The following CDH4 variants were observed in gnomAD, a reference collection of about 807,000 sequenced individuals.
The protein encoded by CDH4 is cadherin-4.
In CDH4, 33 loss-of-function variants were observed where a neutral mutation model predicts 86.0. The ratio of observed to expected loss-of-function variants is 0.38; its 90% CI spans 0.29 to 0.51. The LOEUF (loss-of-function observed/expected upper bound fraction) is 0.51. Among genes scored for constraint, CDH4 ranks in the 20% least tolerant of loss-of-function variants. The pLI is 0.86. For missense variants in CDH4, 1,114 were observed against 1,307.4 expected, an observed-to-expected ratio of 0.85 and a Z score of 2.28; for synonymous variants, 555 against 549.4, an observed-to-expected ratio of 1.01 and a Z score of -0.14.
At chr20:61,548,344 G>A (rs2086103849) in intron 2 of CDH4, among the ~76,000 whole-genome samples, 1 of 152,100 alleles carries the variant, frequency 6.6e-6, no homozygotes, top group South Asian at 2.1e-4. Flanking sequence ...GAGGGAAAAG[G>A]GCCCAACTTG....
intron 8 of CDH4, among the ~76,000 whole-genome samples, chr20:61,905,681 CCT>C (rs1225159699): frequency 1.3e-5 from 2 of 152,180 alleles, no homozygotes; most frequent in East Asian, 1.9e-4. Flanking sequence ...AGGATCAGGC[CCT>C]CTCTGCCTCT....
chr20:61,499,900 G>C (rs1450192939), intron 2 of CDH4, among the ~76,000 whole-genome samples: 2 of 152,206 alleles, frequency 1.3e-5, no homozygotes, highest in African/African-American at 4.8e-5. Context: ...CATCGATTCT[G>C]TCTGTGGCAG....
intron 4 of CDH4, among the ~76,000 whole-genome samples, chr20:61,784,970 C>A (rs1439480429): frequency 1.3e-5 from 2 of 152,168 alleles, no homozygotes; most frequent in Non-Finnish European, 2.9e-5. Flanking sequence ...AGCAGAGGGG[C>A]CTTCTACACC....
intron 7 of CDH4, among the ~76,000 whole-genome samples, chr20:61,885,696 C>T (rs1012497294): frequency 1.3e-5 from 2 of 152,184 alleles, no homozygotes; most frequent in African/African-American, 2.4e-5. Context: ...CTTGTGAGGA[C>T]CCGCCAGCCT....
intron 8 of CDH4, among the ~76,000 whole-genome samples, chr20:61,905,368 G>A (rs1358408418): frequency 6.6e-6 from 1 of 152,222 alleles, no homozygotes; most frequent in Non-Finnish European, 1.5e-5. Context: ...TGGACGCAGA[G>A]AGCGCCGCGC....
intron 2 of CDH4, among the ~76,000 whole-genome samples, chr20:61,636,618 C>T (rs149897632): frequency 1.3e-3 from 191 of 152,362 alleles, no homozygotes; most frequent in African/African-American, 4.3e-3. Flanking sequence ...CTCTCTTCCA[C>T]GGGGCTTTCA....
At chr20:61,593,778 A>G (rs1051458225) in intron 2 of CDH4, among the ~76,000 whole-genome samples, 2 of 151,756 alleles carry the variant, frequency 1.3e-5, no homozygotes, top group Non-Finnish European at 2.9e-5. Flanking sequence ...ATTCTTGGAC[A>G]TAGTAGAACC....
At position 61,929,804 on chromosome 20, in the gene CDH4, C is replaced by T; in HGVS notation, c.2201C>T (p.Ala734Val). Residue 734 changes from alanine to valine, a missense_variant, in exon 13 of 16, where the codon GCC becomes GTC. Coordinates refer to ENST00000614565, the MANE Select transcript of CDH4 (RefSeq NM_001794.5). ...GCAGCGGCTGGTCTGGGCACCGGTG[C>T]CATCGTGGCCATCCTCATCTGCATC... Reference protein sequence around the residue: ...AVAAAGLGTGAIVAILICILI... With the variant: ...AVAAAGLGTGVIVAILICILI... 2 of 1,613,988 alleles carry T rather than the reference C, an allele frequency of 1.2e-6. No homozygotes were observed. Among genetic ancestry groups the T allele is most frequent in the Non-Finnish European group, 1.7e-6 (2 of 1,180,010 alleles).
chr20:61,340,121 T>G (rs1363126078), intron 2 of CDH4, among the ~76,000 whole-genome samples: 1 of 152,110 alleles, frequency 6.6e-6, no homozygotes, highest in Non-Finnish European at 1.5e-5. Flanking sequence ...GACTGGAAAA[T>G]AATATTCTGA....
intron 2 of CDH4, among the ~76,000 whole-genome samples, chr20:61,594,763 G>A (rs1475439911): frequency 1.3e-5 from 2 of 152,122 alleles, no homozygotes; most frequent in Non-Finnish European, 2.9e-5. Flanking sequence ...GGGTCCCCTC[G>A]GCCCCCACAC....
At position 61,920,986 on chromosome 20, in the gene CDH4, TGTGGTGTCGTGATTGCATGGAAGC is replaced by T. The variant is rs1388564881; in HGVS notation, c.1375-2462_1375-2439del. 8.3e-4 allele frequency among the ~76,000 whole-genome samples: 103 copies of T among 123,434 alleles called. No individual in the cohort carries two copies. In the Middle Eastern group the frequency reaches 0.021, roughly 25 times the overall value. The allele number at this position is 123,434 out of a possible 152,430, so 81.0% of individuals were successfully genotyped here. A position where few individuals can be genotyped will look rare whatever the true frequency, so the allele number is the denominator to read the frequency against. On this transcript the variant is annotated intron_variant, in intron 9 of 15. Transcript: ENST00000614565. ...GCATGTCATGGTGATTGCGTGGAAG[TGTGGTGTCGTGATTGCATGGAAGC>T]GTTGTGTCACAGTAATTGCATGGAA...
intron 2 of CDH4, among the ~76,000 whole-genome samples, chr20:61,579,448 G>A (rs2086409185): frequency 6.6e-6 from 1 of 151,944 alleles, no homozygotes; most frequent in South Asian, 2.1e-4. Flanking sequence ...CACCATGCCT[G>A]GCTGAGTTTT....
chr20:61,313,882 G>A (rs2084461936), intron 2 of CDH4, among the ~76,000 whole-genome samples: 1 of 152,128 alleles, frequency 6.6e-6, no homozygotes, highest in African/African-American at 2.4e-5. Context: ...GACTACAGGT[G>A]CACACCACCA....
chr20:61,637,847 C>T (rs896044020), intron 2 of CDH4, among the ~76,000 whole-genome samples: 2 of 151,838 alleles, frequency 1.3e-5, no homozygotes, highest in East Asian at 3.9e-4. Flanking sequence ...ATGGTGAAAC[C>T]CCATCTCTAC....
chr20:61,294,891 A>G (rs2084343789), intron 2 of CDH4, among the ~76,000 whole-genome samples: 2 of 152,222 alleles, frequency 1.3e-5, no homozygotes, highest in African/African-American at 4.8e-5. Context: ...TGCATCGGGC[A>G]CAGGGTCACC....
Position 61,873,882 on chromosome 20 carries a change from G to A in CDH4, c.1032G>A (p.Ala344=), listed in dbSNP as rs78133836. 3.0e-3 allele frequency: 4,780 copies of A among 1,613,858 alleles called. 13 individuals are homozygous for A. Among genetic ancestry groups the A allele is most frequent in the Non-Finnish European group, 3.7e-3 (4,379 of 1,180,002 alleles). The change falls in exon 7 of 16, where the codon GCG becomes GCA. Residue 344 remains alanine (A), a synonymous_variant. Coordinates refer to ENST00000614565, the MANE Select transcript of CDH4 (RefSeq NM_001794.5). ...NSETGDIVTV[A]AGLDREKVQQ... ...AGACTGGAGATATCGTCACAGTGGC[G>A]GCTGGCCTGGACCGAGAGGTGAGGC...
chr20:61,726,475 C>G (rs1249889697), intron 2 of CDH4, among the ~76,000 whole-genome samples: 1 of 152,128 alleles, frequency 6.6e-6, no homozygotes, highest in Non-Finnish European at 1.5e-5. Flanking sequence ...TAGTCCCAGC[C>G]TAAGGGCATT....
chr20:61,882,755 C>T (rs143407301), intron 7 of CDH4, among the ~76,000 whole-genome samples: 26 of 152,306 alleles, frequency 1.7e-4, no homozygotes, highest in African/African-American at 3.6e-4. Context: ...GGAGAGGGAA[C>T]GTGTCTGCGG....
chr20:61,620,270 G>T (rs577135801), intron 2 of CDH4, among the ~76,000 whole-genome samples: 1 of 138,812 alleles, frequency 7.2e-6, no homozygotes, highest in South Asian at 2.2e-4. Context: ...TGGATGGGTG[G>T]GTAGATGGTT....
Sources: gnomAD v4.1 joint callset for allele counts (sites outside exome capture counted in the v4.1 genomes callset) on GRCh38, gnomAD v4.1.1 for gene constraint, MANE v1.5 for transcripts, NCBI Gene and HGNC (gene_info 2026-07-23, HGNC 2026-07-21) for gene names.